Variants in NUMB observed in about 807,000 individuals in gnomAD.
NUMB encodes protein numb homolog.
NUMB carries 29 observed loss-of-function variants against 59.7 expected under a neutral mutation model. The ratio of observed to expected loss-of-function variants is 0.49; its 90% CI spans 0.36 to 0.66. The LOEUF (loss-of-function observed/expected upper bound fraction) is 0.66, where lower values mean the gene tolerates loss of function less well. Ranked by LOEUF, NUMB falls within the 30% of genes least tolerant of loss-of-function variation. The pLI is 0.00. For missense variants in NUMB, 723 were observed against 822.0 expected (o/e 0.88, Z 1.47); for synonymous variants, 288 against 288.2 (o/e 1.00, Z 0.01).
intron 4 of NUMB, among the ~76,000 whole-genome samples, chr14:73,354,235 G>A (rs61985806): frequency 0.16 from 23,787 of 152,016 alleles, 2,689 homozygotes; most frequent in Non-Finnish European, 0.23. Context: ...TAGGCCGAGT[G>A]TGGTGGATCA....
At chr14:73,420,943 C>T (rs1035490279) in intron 1 of NUMB, among the ~76,000 whole-genome samples, 4 of 151,946 alleles carry the variant, frequency 2.6e-5, no homozygotes, top group African/African-American at 4.8e-5. Context: ...TACCTGAAGA[C>T]ATAAGCAAGA....
intron 2 of NUMB, among the ~76,000 whole-genome samples, chr14:73,373,976 C>A (rs1894826586): frequency 6.6e-6 from 1 of 152,038 alleles, no homozygotes; most frequent in African/African-American, 2.4e-5. Flanking sequence ...TCAAGCGATT[C>A]TCCAGCCTCA....
chr14:73,353,898 T>C (rs1486080835), intron 4 of NUMB, among the ~76,000 whole-genome samples: 1 of 152,048 alleles, frequency 6.6e-6, no homozygotes, highest in African/African-American at 2.4e-5. Context: ...CATTTTTATG[T>C]AAGAGAAGTA....
At chr14:73,441,856 G>A (rs901088559) in intron 1 of NUMB, among the ~76,000 whole-genome samples, 1 of 151,962 alleles carries the variant, frequency 6.6e-6, no homozygotes, top group Non-Finnish European at 1.5e-5. Flanking sequence ...TTGGGTGACA[G>A]ACCAAAATTC....
At chr14:73,453,694 G>A (rs1340933151) in intron 1 of NUMB, among the ~76,000 whole-genome samples, 5 of 147,930 alleles carry the variant, frequency 3.4e-5, no homozygotes, top group Admixed American at 2.0e-4. Context: ...TGCAACCTCC[G>A]CCTCCTAGGT....
chr14:73,406,697 T>C (rs1388884096), intron 2 of NUMB, among the ~76,000 whole-genome samples: 1 of 152,202 alleles, frequency 6.6e-6, no homozygotes, highest in East Asian at 1.9e-4. Context: ...TTGACTAGTT[T>C]ACACTCCCAC....
chr14:73,314,943 C>A (rs928208095), intron 6 of NUMB, among the ~76,000 whole-genome samples: 40 of 152,210 alleles, frequency 2.6e-4, no homozygotes, highest in African/African-American at 9.4e-4. Flanking sequence ...CTGTGCTACA[C>A]AGGAAATAAT....
intron 4 of NUMB, among the ~76,000 whole-genome samples, chr14:73,346,277 C>T (rs935211011): frequency 1.3e-5 from 2 of 151,930 alleles, no homozygotes; most frequent in African/African-American, 2.4e-5. Flanking sequence ...GTCGGGAGTT[C>T]GAGACCAGCT....
At chr14:73,453,879 T>C (rs1884164616) in intron 1 of NUMB, among the ~76,000 whole-genome samples, 2 of 152,202 alleles carry the variant, frequency 1.3e-5, no homozygotes, top group South Asian at 2.1e-4. Context: ...AGTGCTGGGA[T>C]TAAAGGCATG....
chr14:73,396,764 C>T (rs920448017), intron 2 of NUMB, among the ~76,000 whole-genome samples: 5 of 152,130 alleles, frequency 3.3e-5, no homozygotes, highest in Non-Finnish European at 5.9e-5. Flanking sequence ...AGATAATTTA[C>T]GGTATATCTA....
At chr14:73,303,010 G>T (rs1243932820) in intron 6 of NUMB, among the ~76,000 whole-genome samples, 1 of 151,694 alleles carries the variant, frequency 6.6e-6, no homozygotes, top group Admixed American at 6.6e-5. Flanking sequence ...CTGACGTCAG[G>T]AGTTCGAGAC....
intron 2 of NUMB, among the ~76,000 whole-genome samples, chr14:73,377,288 G>A (rs1177739502): frequency 1.3e-5 from 2 of 152,314 alleles, no homozygotes; most frequent in East Asian, 1.9e-4. Context: ...TCAAGAGAAT[G>A]AGAAGACAGG....
At chr14:73,445,375 A>AC (rs1566800949) in intron 1 of NUMB, among the ~76,000 whole-genome samples, 6 of 134,996 alleles carry the variant, frequency 4.4e-5, no homozygotes, top group Non-Finnish European at 9.3e-5. Flanking sequence ...AAAAAAAAAA[A>AC]AAAAAAAAAA....
Position 73,282,490 on chromosome 14 carries a change from CCTTCTA to C in NUMB, c.959_964del (p.Val320_Glu321del). On this transcript the variant is annotated inframe_deletion, in exon 11 of 13. Transcript: ENST00000555238. ...CAGGGAGCTGATGCTCTCTGCCTCCCCTTCTACTTCTGGCACTGCAAGGCAAACAGA... is the reference window on the plus strand; with the variant it reads ...CAGGGAGCTGATGCTCTCTGCCTCCCCTTCTGGCACTGCAAGGCAAACAGA... 1 of 1,613,656 alleles carries C rather than the reference CCTTCTA, an allele frequency of 6.2e-7. No individual in the cohort carries two copies. Among genetic ancestry groups the C allele is most frequent in the Non-Finnish European group, 8.5e-7 (1 of 1,179,828 alleles).
chr14:73,431,222 T>C (rs1897813553), intron 1 of NUMB, among the ~76,000 whole-genome samples: 1 of 150,688 alleles, frequency 6.6e-6, no homozygotes, highest in African/African-American at 2.4e-5. Flanking sequence ...TCCAAAGTGA[T>C]GGGATTACAG....
At chr14:73,387,340 C>T (rs569001411) in intron 2 of NUMB, among the ~76,000 whole-genome samples, 1 of 152,158 alleles carries the variant, frequency 6.6e-6, no homozygotes, top group Non-Finnish European at 1.5e-5. Flanking sequence ...TGTTTATACA[C>T]GACGGTTTAA....
chr14:73,430,644 CAAAA>C (rs921614307), intron 1 of NUMB, among the ~76,000 whole-genome samples: 3 of 150,142 alleles, frequency 2.0e-5, no homozygotes, highest in East Asian at 2.0e-4. Flanking sequence ...TCAAAACAAA[CAAAA>C]AAAAGTTTTT....
At chr14:73,364,721 G>A (rs1222776276) in intron 3 of NUMB, among the ~76,000 whole-genome samples, 1 of 151,736 alleles carries the variant, frequency 6.6e-6, no homozygotes, top group African/African-American at 2.4e-5. Flanking sequence ...TCAACCTCCT[G>A]GGCTTAAAGC....
intron 7 of NUMB, among the ~76,000 whole-genome samples, chr14:73,294,951 A>T (rs973889908): frequency 3.3e-4 from 6 of 17,914 alleles, no homozygotes; most frequent in East Asian, 6.8e-3. Flanking sequence ...ACCCATCTCT[A>T]AAAAAAAAAA....
Sources: gnomAD v4.1 joint callset for allele counts (sites outside exome capture counted in the v4.1 genomes callset) on GRCh38, gnomAD v4.1.1 for gene constraint, MANE v1.5 for transcripts, NCBI Gene and HGNC (gene_info 2026-07-23, HGNC 2026-07-21) for gene names.